Variants in CMC1 observed in about 807,000 individuals in gnomAD.
CMC1 encodes the protein COX assembly mitochondrial protein homolog.
In CMC1, 14 loss-of-function variants were observed where a neutral mutation model predicts 14.1. That is an observed-to-expected ratio of 0.99 (90% CI 0.66 to 1.55). The LOEUF (loss-of-function observed/expected upper bound fraction) is 1.55, where lower values mean the gene tolerates loss of function less well. Among genes scored for constraint, CMC1 ranks in the 40% most tolerant of loss-of-function variants. CMC1 has a pLI of 0.00. For synonymous variants in CMC1, 50 were observed against 38.4 expected, an observed-to-expected ratio of 1.30 and a Z score of -1.12; for missense variants, 127 against 123.8, an observed-to-expected ratio of 1.03 and a Z score of -0.12.
chr3:28,324,947 G>T lies in CMC1; in HGVS notation c.*5318G>T, dbSNP rs1253243580. The T allele has an allele frequency of 6.6e-6, 1 of 150,820 alleles. No individual in the cohort carries two copies. Among genetic ancestry groups the T allele is most frequent in the African/African-American group, 2.4e-5 (1 of 41,204 alleles). The allele number at this position is 150,820 out of a possible 1,614,324, so 9.3% of individuals were successfully genotyped here. A position where few individuals can be genotyped will look rare whatever the true frequency, so the allele number is the denominator to read the frequency against. ...CCTTTGCTCAAACTCTTTGTCCACAGGCAGTCCAAAAGCAAATTTTTTAGA... is the reference window on the plus strand; with the variant it reads ...CCTTTGCTCAAACTCTTTGTCCACATGCAGTCCAAAAGCAAATTTTTTAGA... On this transcript the variant is annotated 3_prime_UTR_variant, in exon 4 of 4. Coordinates refer to ENST00000466830, the MANE Select transcript of CMC1 (RefSeq NM_182523.2).
intron 2 of CMC1, among the ~76,000 whole-genome samples, chr3:28,299,540 A>G (rs557798223): frequency 2.7e-4 from 41 of 152,096 alleles, no homozygotes; most frequent in Non-Finnish European, 5.1e-4. Flanking sequence ...TAAATGCACC[A>G]CTAAATTCAT....
At chr3:28,285,745 A>G (rs1179378970) in intron 2 of CMC1, among the ~76,000 whole-genome samples, 2 of 148,844 alleles carry the variant, frequency 1.3e-5, no homozygotes, top group African/African-American at 4.9e-5. Context: ...ATTATTCTGT[A>G]TATTGTCCAG....
intron 2 of CMC1, among the ~76,000 whole-genome samples, chr3:28,273,794 T>C (rs1207305533): frequency 6.6e-6 from 1 of 152,210 alleles, no homozygotes. Flanking sequence ...CTATATTAGG[T>C]GTATATATAT....
At chr3:28,279,801 T>C (rs182370416) in intron 2 of CMC1, among the ~76,000 whole-genome samples, 78 of 152,132 alleles carry the variant, frequency 5.1e-4, no homozygotes, top group African/African-American at 1.8e-3. Context: ...TGTAGGACAA[T>C]AACATAAGGA....
chr3:28,241,936 G>T, intron 1 of CMC1, 124 bp downstream of exon 1: 2 of 1,002,762 alleles, frequency 2.0e-6, no homozygotes, highest in Non-Finnish European at 1.3e-6. Flanking sequence ...TTCCACCAGC[G>T]TCTCCTCATA....
intron 1 of CMC1, 150 bp downstream of exon 1, chr3:28,241,962 G>A: frequency 4.0e-6 from 3 of 749,966 alleles, no homozygotes; most frequent in East Asian, 3.4e-5. Context: ...CGGCTGCTTC[G>A]CCCGGTCTGA....
rs547395416 is a variant in CMC1 at position 28,293,843 on chromosome 3, A to C, written c.110-22490A>C. On this transcript the variant is annotated intron_variant, in intron 2 of 3. Coordinates refer to ENST00000466830, the MANE Select transcript of CMC1 (RefSeq NM_182523.2). ...GCGATCCGACTGCCTCAGCCTCCCA[A>C]AATGTTGGGATTACAGGCATGAGAC... Among the ~76,000 whole-genome samples, 3 of 152,214 alleles carry C rather than the reference A, an allele frequency of 2.0e-5. No individual in the cohort carries two copies. In the South Asian group the frequency reaches 6.2e-4, roughly 32 times the overall value.
At chr3:28,268,609 C>T (rs985056493) in intron 2 of CMC1, among the ~76,000 whole-genome samples, 1 of 152,156 alleles carries the variant, frequency 6.6e-6, no homozygotes, top group African/African-American at 2.4e-5. Context: ...TTATCAATTA[C>T]GAAATGGGGA....
intron 1 of CMC1, among the ~76,000 whole-genome samples, chr3:28,256,736 C>G (rs1358347323): frequency 6.6e-6 from 1 of 152,144 alleles, no homozygotes; most frequent in East Asian, 1.9e-4. Context: ...ATGGTGACAA[C>G]TTGAAAAGAT....
intron 2 of CMC1, among the ~76,000 whole-genome samples, chr3:28,302,246 A>G (rs554058628): frequency 3.3e-5 from 5 of 152,272 alleles, no homozygotes; most frequent in Non-Finnish European, 7.4e-5. Context: ...TCGTTTCTCC[A>G]TTGTGTAAGT....
intron 2 of CMC1, among the ~76,000 whole-genome samples, chr3:28,282,841 C>T (rs1361444732): frequency 2.6e-5 from 4 of 152,152 alleles, no homozygotes; most frequent in East Asian, 3.8e-4. Context: ...CAAACCAGAA[C>T]GAATTTAACT....
At chr3:28,273,048 G>C (rs1361532627) in intron 2 of CMC1, among the ~76,000 whole-genome samples, 1 of 152,158 alleles carries the variant, frequency 6.6e-6, no homozygotes, top group Non-Finnish European at 1.5e-5. Flanking sequence ...CATAAAATGA[G>C]TTAGGAATCC....
intron 1 of CMC1, among the ~76,000 whole-genome samples, chr3:28,251,935 C>G (rs1355927554): frequency 6.6e-6 from 1 of 152,126 alleles, no homozygotes; most frequent in Admixed American, 6.6e-5. Flanking sequence ...GATTTTCTGC[C>G]GGATATCAGT....
chr3:28,304,692 A>T (rs1267666063), intron 2 of CMC1, among the ~76,000 whole-genome samples: 1 of 152,204 alleles, frequency 6.6e-6, no homozygotes, highest in Non-Finnish European at 1.5e-5. Context: ...TTAAAGTTGT[A>T]TTCAAATAAT....
At chr3:28,269,397 G>A (rs1700164092) in intron 2 of CMC1, among the ~76,000 whole-genome samples, 2 of 152,150 alleles carry the variant, frequency 1.3e-5, no homozygotes, top group African/African-American at 4.8e-5. Flanking sequence ...AAAATGGCTA[G>A]TTTTCTTCTC....
intron 2 of CMC1, among the ~76,000 whole-genome samples, chr3:28,275,326 TTG>T (rs368770312): frequency 0.13 from 17,939 of 133,342 alleles, 767 homozygotes; most frequent in Non-Finnish European, 0.18. Flanking sequence ...TGTTAGTTGT[TTG>T]TTTTTTTTTT....
chr3:28,281,351 A>G (rs1700884918), intron 2 of CMC1, among the ~76,000 whole-genome samples: 1 of 152,228 alleles, frequency 6.6e-6, no homozygotes, highest in Non-Finnish European at 1.5e-5. Context: ...AATATTGGCA[A>G]TTTTAAAACT....
rs376321066 is a variant in CMC1, at chr3:28,274,212, G to GTTTTTTTTTTTTTTTTTT, written c.109+10839_109+10840insTTTTTTTTTTTTTTTTTT. Among the ~76,000 whole-genome samples the GTTTTTTTTTTTTTTTTTT allele has an allele frequency of 4.0e-4, 35 of 88,154 alleles. 1 individual carries two copies. Among genetic ancestry groups the GTTTTTTTTTTTTTTTTTT allele is most frequent in the East Asian group, 1.8e-3 (5 of 2,746 alleles). 57.8% of individuals were successfully genotyped at this position (88,154 alleles called of 152,430 possible). ...TTGGTCTTTGTACTAAAGTGTTTTT[G>GTTTTTTTTTTTTTTTTTT]TTTTTTTCTTTTTTTTTTTTTTTGC... On this transcript the variant is annotated intron_variant, in intron 2 of 3. Coordinates refer to ENST00000466830, the MANE Select transcript of CMC1 (RefSeq NM_182523.2).
chr3:28,305,553 A>G (rs1702261211), intron 2 of CMC1, among the ~76,000 whole-genome samples: 1 of 152,048 alleles, frequency 6.6e-6, no homozygotes, highest in South Asian at 2.1e-4. Context: ...CTTTCTCCAC[A>G]TCCTCAACAA....
Sources: gnomAD v4.1 joint callset for allele counts (sites outside exome capture counted in the v4.1 genomes callset) on GRCh38, gnomAD v4.1.1 for gene constraint, MANE v1.5 for transcripts, NCBI Gene and HGNC (gene_info 2026-07-23, HGNC 2026-07-21) for gene names.